Variants in RAB3IL1 observed in about 807,000 individuals in gnomAD.
The protein encoded by RAB3IL1 is RAB3A interacting protein like 1.
Under a neutral mutation model 49.2 loss-of-function variants are expected in RAB3IL1, and 37 were observed. The observed-to-expected ratio is 0.75, with a 90% CI of 0.58 to 0.99. The LOEUF (loss-of-function observed/expected upper bound fraction) is 0.99, where lower values mean the gene tolerates loss of function less well. Ranked by LOEUF, RAB3IL1 falls within the 50% of genes least tolerant of loss-of-function variation. RAB3IL1 has a pLI of 0.00. For missense variants in RAB3IL1, 484 were observed against 513.0 expected (o/e 0.94, Z 0.55); for synonymous variants, 193 against 213.9 (o/e 0.90, Z 0.85).
intron 1 of RAB3IL1, among the ~76,000 whole-genome samples, chr11:61,908,877 A>G (rs1353656644): frequency 6.6e-6 from 1 of 152,164 alleles, no homozygotes; most frequent in East Asian, 1.9e-4. Context: ...AGACAGACCC[A>G]CTTCCTGTCC....
chr11:61,901,526 G>A (rs936148495), intron 8 of RAB3IL1, among the ~76,000 whole-genome samples: 1 of 152,222 alleles, frequency 6.6e-6, no homozygotes, highest in African/African-American at 2.4e-5. Flanking sequence ...TGGATTAGGT[G>A]ACATTGAATG....
At chr11:61,912,196 G>A (rs1939482426) in intron 1 of RAB3IL1, among the ~76,000 whole-genome samples, 1 of 152,162 alleles carries the variant, frequency 6.6e-6, no homozygotes, top group African/African-American at 2.4e-5. Context: ...CCACTCAGCG[G>A]GCTGCCAGGG....
the RAB3IL1 span, among the ~76,000 whole-genome samples, chr11:61,939,765 A>G: frequency 1.3e-5 from 2 of 152,246 alleles, no homozygotes; most frequent in East Asian, 3.9e-4. Flanking sequence ...GGCTTGGGCA[A>G]CATAAGGAAA....
Position 61,898,211 on chromosome 11 carries a change from G to T in RAB3IL1, c.*67C>A. 1 of 1,460,308 alleles carries T rather than the reference G, an allele frequency of 6.8e-7. No homozygotes were observed. The highest frequency in any genetic ancestry group is 9.5e-7 in the Non-Finnish European group (1 of 1,053,928). The allele number at this position is 1,460,308 out of a possible 1,614,324, so 90.5% of individuals were successfully genotyped here. A position where few individuals can be genotyped will look rare whatever the true frequency, so the allele number is the denominator to read the frequency against. On this transcript the variant is annotated 3_prime_UTR_variant, in exon 10 of 10. Coordinates refer to ENST00000394836, the MANE Select transcript of RAB3IL1 (RefSeq NM_013401.4). This position sits in a 1 kb window ranked among gnomAD's most constrained non-coding sequence, Gnocchi z 5.1. ...TGGCTCCAGGCCCCCGTCTCCCTGT[G>T]TGTCGGCTTGTTCTGGGGTGGGTGT...
chr11:61,926,766 G>T, the RAB3IL1 span, among the ~76,000 whole-genome samples: 2 of 152,014 alleles, frequency 1.3e-5, no homozygotes, highest in Non-Finnish European at 2.9e-5. Context: ...TGTTGGCCGG[G>T]CTGGTCTCAA....
upstream of RAB3IL1, among the ~76,000 whole-genome samples, chr11:61,921,361 A>G (rs1167008553): frequency 1.3e-5 from 2 of 152,148 alleles, no homozygotes; most frequent in African/African-American, 4.8e-5. Context: ...TTCTCCAACT[A>G]TGAAATGGAT....
At chr11:61,910,563 A>G (rs1939414302) in intron 1 of RAB3IL1, among the ~76,000 whole-genome samples, 1 of 152,222 alleles carries the variant, frequency 6.6e-6, no homozygotes, top group South Asian at 2.1e-4. Flanking sequence ...AGGTGCTCTA[A>G]GAATCAAGAG....
At chr11:61,910,988 G>T (rs915482872) in intron 1 of RAB3IL1, among the ~76,000 whole-genome samples, 5 of 152,252 alleles carry the variant, frequency 3.3e-5, no homozygotes, top group Non-Finnish European at 5.9e-5. Flanking sequence ...ATCCACCAGT[G>T]TGGTCTGGGC....
chr11:61,919,847 C>T (rs1277330913), upstream of RAB3IL1, among the ~76,000 whole-genome samples: 1 of 152,210 alleles, frequency 6.6e-6, no homozygotes, highest in Non-Finnish European at 1.5e-5. Flanking sequence ...CAGGTGTGTC[C>T]TCAGCTCACT....
intron 1 of RAB3IL1, among the ~76,000 whole-genome samples, chr11:61,916,031 CAA>C (rs35371411): frequency 2.6e-4 from 23 of 88,870 alleles, no homozygotes; most frequent in Admixed American, 2.5e-4. Context: ...CACTCTGTCT[CAA>C]AAAAAAAAAA....
intron 1 of RAB3IL1, among the ~76,000 whole-genome samples, chr11:61,911,549 G>A (rs1157633644): frequency 6.6e-6 from 1 of 152,170 alleles, no homozygotes; most frequent in Non-Finnish European, 1.5e-5. Context: ...GGTGAACTCA[G>A]TCGTGGGGCA....
the RAB3IL1 span, among the ~76,000 whole-genome samples, chr11:61,940,584 C>T: frequency 1.3e-5 from 2 of 151,942 alleles, no homozygotes; most frequent in Non-Finnish European, 2.9e-5. Flanking sequence ...CCCAAGAGTT[C>T]GAGACCAGCC....
upstream of RAB3IL1, among the ~76,000 whole-genome samples, chr11:61,922,552 A>G (rs150795685): frequency 7.3e-3 from 1,111 of 152,110 alleles, 8 homozygotes; most frequent in East Asian, 0.024. Flanking sequence ...AGAAGATAAC[A>G]TTTGTGAAGT....
At chr11:61,902,382 G>A (rs1414263828) in intron 8 of RAB3IL1, 60 bp downstream of exon 8, 2 of 1,423,298 alleles carry the variant, frequency 1.4e-6, no homozygotes, top group Admixed American at 2.0e-5. Context: ...CCAGGGCCCA[G>A]TGTCCCAGCA....
chr11:61,928,162 GAAA>G, the RAB3IL1 span, among the ~76,000 whole-genome samples: 1 of 127,062 alleles, frequency 7.9e-6, no homozygotes, highest in African/African-American at 2.9e-5. Context: ...TCCTGCTACA[GAAA>G]AAAAAAAAAA....
At chr11:61,931,360 A>G in the RAB3IL1 span, among the ~76,000 whole-genome samples, 1 of 152,310 alleles carries the variant, frequency 6.6e-6, no homozygotes, top group South Asian at 2.1e-4. Flanking sequence ...CCAGGAGGGT[A>G]AAGACAGACT....
At chr11:61,945,940 G>T in the RAB3IL1 span, 1 of 369,648 alleles carries the variant, frequency 2.7e-6, no homozygotes, top group Non-Finnish European at 3.7e-6. Flanking sequence ...AGCCTCTCCT[G>T]GTTTCTGTCG....
chr11:61,923,728 G>C (rs918089744), upstream of RAB3IL1, among the ~76,000 whole-genome samples: 7 of 152,198 alleles, frequency 4.6e-5, no homozygotes, highest in African/African-American at 1.7e-4. Flanking sequence ...CTGAAAGCCA[G>C]TTCTGGCTGC....
the RAB3IL1 span, among the ~76,000 whole-genome samples, chr11:61,926,189 A>G: frequency 6.6e-6 from 1 of 151,916 alleles, no homozygotes; most frequent in Non-Finnish European, 1.5e-5. Context: ...ATGCGTTAAT[A>G]TAGTTAACAC....
Sources: gnomAD v4.1 joint callset for allele counts (sites outside exome capture counted in the v4.1 genomes callset) on GRCh38, gnomAD v4.1.1 for gene constraint, Gnocchi (gnomAD v3.1) non-coding constraint, MANE v1.5 for transcripts, NCBI Gene and HGNC (gene_info 2026-07-23, HGNC 2026-07-21) for gene names.